Variants in SNX30 observed in about 807,000 individuals in gnomAD.
The protein encoded by SNX30 is sorting nexin family member 30.
A neutral mutation model predicts 46.4 loss-of-function variants in SNX30; 24 were observed. The ratio of observed to expected loss-of-function variants is 0.52; its 90% confidence interval spans 0.37 to 0.73. The LOEUF is 0.73. Among genes scored for constraint, SNX30 ranks in the 30% least tolerant of loss-of-function variants. SNX30 has a pLI of 0.00. For missense variants in SNX30, 533 were observed against 555.7 expected, an observed-to-expected ratio of 0.96 and a Z score of 0.41; for synonymous variants, 189 against 211.5, an observed-to-expected ratio of 0.89 and a Z score of 0.92.
At chr9:112,753,762 A>G (rs1289940677) in intron 1 of SNX30, among the ~76,000 whole-genome samples, 1 of 152,242 alleles carries the variant, frequency 6.6e-6, no homozygotes, top group Non-Finnish European at 1.5e-5. Context: ...CCTGATTTAT[A>G]GTAAGCCACT....
At chr9:112,769,887 C>G (rs1408009457) in intron 1 of SNX30, among the ~76,000 whole-genome samples, 1 of 152,096 alleles carries the variant, frequency 6.6e-6, no homozygotes, top group African/African-American at 2.4e-5. Context: ...AAGGATAAGC[C>G]TTGGAATTAG....
chr9:112,809,388 A>C (rs368162933), intron 2 of SNX30, among the ~76,000 whole-genome samples: 1 of 152,136 alleles, frequency 6.6e-6, no homozygotes, highest in Non-Finnish European at 1.5e-5. Flanking sequence ...CCCAAAAGAC[A>C]TGATTTTCAA....
At chr9:112,821,011 G>A (rs1840483251) in intron 3 of SNX30, among the ~76,000 whole-genome samples, 1 of 152,132 alleles carries the variant, frequency 6.6e-6, no homozygotes, top group African/African-American at 2.4e-5. Context: ...TTTTTCTGTG[G>A]ACATGTTCCC....
chr9:112,820,816 C>T (rs1469711556), intron 3 of SNX30, among the ~76,000 whole-genome samples: 1 of 152,108 alleles, frequency 6.6e-6, no homozygotes, highest in Non-Finnish European at 1.5e-5. Context: ...GGTTTTTTCA[C>T]TTAGCATATT....
intron 2 of SNX30, among the ~76,000 whole-genome samples, chr9:112,807,576 C>G (rs1476505519): frequency 6.6e-6 from 1 of 151,996 alleles, no homozygotes; most frequent in Non-Finnish European, 1.5e-5. Context: ...CTAGGGTGAC[C>G]TTATTTTTTA....
chr9:112,771,107 A>C (rs1804927711), intron 1 of SNX30, among the ~76,000 whole-genome samples: 1 of 35,668 alleles, frequency 2.8e-5, no homozygotes, highest in Admixed American at 3.2e-4. Flanking sequence ...AACTTAAACC[A>C]CCAGACATAC....
downstream of SNX30, chr9:112,878,071 T>G (rs1312789396): frequency 6.6e-6 from 1 of 152,210 alleles, no homozygotes; most frequent in Non-Finnish European, 1.5e-5. Flanking sequence ...TCACAGCTCA[T>G]CTCCTTTCTT....
downstream of SNX30, among the ~76,000 whole-genome samples, chr9:112,884,118 A>C (rs1841616287): frequency 6.6e-6 from 1 of 152,234 alleles, no homozygotes; most frequent in African/African-American, 2.4e-5. Context: ...TATTGCATCT[A>C]AAGAGCAAAC....
intron 1 of SNX30, among the ~76,000 whole-genome samples, chr9:112,770,752 C>T (rs1839635592): frequency 6.6e-6 from 1 of 152,066 alleles, no homozygotes; most frequent in Non-Finnish European, 1.5e-5. Flanking sequence ...AATCCCAGCA[C>T]TTTGGGAGGC....
chr9:112,834,561 A>G (rs1342011689), intron 4 of SNX30, among the ~76,000 whole-genome samples: 1 of 152,116 alleles, frequency 6.6e-6, no homozygotes, highest in Non-Finnish European at 1.5e-5. Flanking sequence ...GAAACTCCAC[A>G]TGTTCAGCTC....
chr9:112,840,460 T>C (rs1840837312), intron 6 of SNX30, among the ~76,000 whole-genome samples: 1 of 152,230 alleles, frequency 6.6e-6, no homozygotes, highest in African/African-American at 2.4e-5. Flanking sequence ...ATTTCACTTA[T>C]CAAACTAATG....
At chr9:112,781,242 A>G (rs1839841903) in intron 1 of SNX30, among the ~76,000 whole-genome samples, 1 of 152,166 alleles carries the variant, frequency 6.6e-6, no homozygotes, top group South Asian at 2.1e-4. Flanking sequence ...ATGATGAATG[A>G]TTATTGTTTA....
intron 2 of SNX30, among the ~76,000 whole-genome samples, 156 bp from the exon 3 acceptor site, chr9:112,817,549 A>G (rs1588126198): frequency 1.3e-5 from 2 of 151,390 alleles, no homozygotes; most frequent in Admixed American, 1.3e-4. Context: ...AGACTGGTCT[A>G]TTCTGTGTTG....
intron 1 of SNX30, among the ~76,000 whole-genome samples, chr9:112,758,850 A>AACACAC (rs141854849): frequency 3.5e-4 from 53 of 150,144 alleles, no homozygotes; most frequent in African/African-American, 9.3e-4. Context: ...GTCTCTGTTA[A>AACACAC]ACACACACAC....
chr9:112,782,159 C>T (rs1349025565), intron 1 of SNX30, among the ~76,000 whole-genome samples: 6 of 152,116 alleles, frequency 3.9e-5, no homozygotes, highest in South Asian at 2.1e-4. Flanking sequence ...CTCTACCTTC[C>T]GGGTTCAAGA....
intron 1 of SNX30, among the ~76,000 whole-genome samples, chr9:112,786,753 C>T (rs1282963360): frequency 2.6e-5 from 4 of 151,752 alleles, no homozygotes; most frequent in Admixed American, 2.6e-4. Flanking sequence ...ATCTGCCCAC[C>T]TTGGCCTCCC....
chr9:112,866,808 A>C (rs1588144164), intron 8 of SNX30, among the ~76,000 whole-genome samples: 2 of 38,422 alleles, frequency 5.2e-5, no homozygotes, highest in Non-Finnish European at 1.0e-4. Context: ...CCCTCCTCAG[A>C]ACTCCCCCCA....
At position 112,830,291 on chromosome 9, in the gene SNX30, G is replaced by A. The variant is rs115877181; in HGVS notation, c.460-434G>A. On this transcript the variant is annotated intron_variant, in intron 3 of 8. Transcript: ENST00000374232. ...TATTCATTCACCAAGTATGAATGGG[G>A]AATGAAGTACTGGGAGCAGAATCTT... Among the ~76,000 whole-genome samples, 440 of 152,162 alleles carry A rather than the reference G, an allele frequency of 2.9e-3. 2 individuals are homozygous for A. Among genetic ancestry groups the A allele is most frequent in the African/African-American group, 0.01 (421 of 41,522 alleles).
intron 6 of SNX30, among the ~76,000 whole-genome samples, chr9:112,843,802 A>G (rs528932985): frequency 1.2e-3 from 186 of 152,074 alleles, no homozygotes; most frequent in African/African-American, 3.8e-3. Context: ...TTTAGTAAAG[A>G]CGGGGTTTCA....
Sources: gnomAD v4.1 joint callset for allele counts (sites outside exome capture counted in the v4.1 genomes callset) on GRCh38, gnomAD v4.1.1 for gene constraint, MANE v1.5 for transcripts, NCBI Gene and HGNC (gene_info 2026-07-23, HGNC 2026-07-21) for gene names.